The following NXPH2 variants were observed in gnomAD, a reference collection of about 807,000 sequenced individuals.
NXPH2 encodes the protein neurexophilin-2.
NXPH2 carries 5 observed loss-of-function variants against 19.8 expected under a neutral mutation model. The observed-to-expected ratio is 0.25, with a 90% CI of 0.13 to 0.53. NXPH2 has a LOEUF of 0.53. Among genes scored for constraint, NXPH2 ranks in the 20% least tolerant of loss-of-function variants. The pLI is 0.96. For synonymous variants in NXPH2, 154 were observed against 127.4 expected (o/e 1.21, Z -1.41); for missense variants, 289 against 322.8 (o/e 0.90, Z 0.80).
chr2:138,760,620 T>C (rs1264588519), intron 1 of NXPH2, among the ~76,000 whole-genome samples: 1 of 152,158 alleles, frequency 6.6e-6, no homozygotes, highest in Non-Finnish European at 1.5e-5. Flanking sequence ...TCATCTCATC[T>C]CAAAAACTGC....
chr2:138,751,509 A>G (rs1681829507), intron 1 of NXPH2, among the ~76,000 whole-genome samples: 1 of 152,136 alleles, frequency 6.6e-6, no homozygotes, highest in Non-Finnish European at 1.5e-5. Flanking sequence ...TTATTTCCAT[A>G]TTGGCTGTGA....
chr2:138,773,550 C>G (rs1256012050), intron 1 of NXPH2, among the ~76,000 whole-genome samples: 1 of 152,098 alleles, frequency 6.6e-6, no homozygotes, highest in Non-Finnish European at 1.5e-5. Flanking sequence ...ATAGAAATCA[C>G]ATGTGTTTTT....
intron 1 of NXPH2, among the ~76,000 whole-genome samples, chr2:138,736,106 T>G (rs1681534523): frequency 6.6e-6 from 1 of 152,194 alleles, no homozygotes; most frequent in Non-Finnish European, 1.5e-5. Context: ...AGGTGCACAG[T>G]GCAAGCTGCC....
chr2:138,674,217 A>G lies in NXPH2; in HGVS notation c.52-2552T>C, dbSNP rs184182034. 1.9e-4 allele frequency among the ~76,000 whole-genome samples: 29 copies of G among 151,762 alleles called. No individual in the cohort carries two copies. The East Asian group carries it at 5.4e-3, about 28-fold the overall frequency. ...CACCCAGGCTGGAGTGGAGTGGTGC[A>G]ATCTCAGCTTACTACAATCTCCACC... On this transcript the variant is annotated intron_variant, in intron 1 of 1. Transcript: ENST00000272641.
intron 1 of NXPH2, among the ~76,000 whole-genome samples, chr2:138,721,820 C>T (rs1355178213): frequency 2.0e-5 from 3 of 152,294 alleles, no homozygotes; most frequent in Non-Finnish European, 2.9e-5. Flanking sequence ...ACCTTGTTAG[C>T]AAGTGGGATA....
intron 1 of NXPH2, among the ~76,000 whole-genome samples, chr2:138,674,283 A>G (rs1680454231): frequency 1.3e-5 from 2 of 151,940 alleles, no homozygotes; most frequent in Admixed American, 1.3e-4. Flanking sequence ...CCTCCCGAGT[A>G]GCTGTGATTA....
At chr2:138,746,509 C>A (rs1213878653) in intron 1 of NXPH2, among the ~76,000 whole-genome samples, 2 of 152,204 alleles carry the variant, frequency 1.3e-5, no homozygotes, top group East Asian at 3.9e-4. Flanking sequence ...CTGTGACAGA[C>A]CTCAGGGCAA....
intron 1 of NXPH2, among the ~76,000 whole-genome samples, chr2:138,675,991 C>A (rs1200957705): frequency 6.7e-6 from 1 of 150,062 alleles, no homozygotes; most frequent in Non-Finnish European, 1.5e-5. Flanking sequence ...GTGTATAAAT[C>A]TATATAAAAG....
At chr2:138,759,571 T>C (rs1211067552) in intron 1 of NXPH2, among the ~76,000 whole-genome samples, 2 of 152,048 alleles carry the variant, frequency 1.3e-5, no homozygotes, top group African/African-American at 4.8e-5. Flanking sequence ...TTCTAATTTT[T>C]TTTTTTTAAA....
chr2:138,742,036 C>T (rs1322093670), intron 1 of NXPH2, among the ~76,000 whole-genome samples: 1 of 152,134 alleles, frequency 6.6e-6, no homozygotes, highest in Non-Finnish European at 1.5e-5. Context: ...ATGATTCTAG[C>T]CAACTGTCAG....
At chr2:138,758,743 G>T (rs1213214761) in intron 1 of NXPH2, among the ~76,000 whole-genome samples, 1 of 152,182 alleles carries the variant, frequency 6.6e-6, no homozygotes, top group South Asian at 2.1e-4. Flanking sequence ...GACCATGTCT[G>T]GAGAAATCTG....
At chr2:138,768,816 C>T (rs1343036986) in intron 1 of NXPH2, among the ~76,000 whole-genome samples, 5 of 152,154 alleles carry the variant, frequency 3.3e-5, no homozygotes, top group Non-Finnish European at 7.4e-5. Flanking sequence ...AAGTAATTAG[C>T]AAAGCCCTCT....
At chr2:138,695,932 T>A (rs1388799687) in intron 1 of NXPH2, among the ~76,000 whole-genome samples, 2 of 152,106 alleles carry the variant, frequency 1.3e-5, no homozygotes, top group African/African-American at 4.8e-5. Flanking sequence ...GAGGATCCCT[T>A]GAGGACTGGA....
At chr2:138,743,385 T>G (rs1681675085) in intron 1 of NXPH2, among the ~76,000 whole-genome samples, 1 of 152,220 alleles carries the variant, frequency 6.6e-6, no homozygotes, top group East Asian at 1.9e-4. Context: ...ACAATATGAA[T>G]GAAACTTGGA....
At chr2:138,754,321 C>T (rs985393264) in intron 1 of NXPH2, among the ~76,000 whole-genome samples, 5 of 152,258 alleles carry the variant, frequency 3.3e-5, no homozygotes, top group East Asian at 1.9e-4. Context: ...TAAAATACAG[C>T]CTGTCCTTCA....
chr2:138,671,552 G>A lies in NXPH2; in HGVS notation c.165C>T (p.Pro55=). 1 of 1,613,976 alleles carries A rather than the reference G, an allele frequency of 6.2e-7. No homozygotes were observed. Residue 55 remains proline, a synonymous_variant, in exon 2 of 2, where the codon CCC becomes CCT. Transcript: ENST00000272641. ...GAGACTGTTTAACAAACAGGCGCAG[G>A]GGACTGATGATCCTTGAGTGCACCA... ...GNVVHSRIIS[P]LRLFVKQSPV...
At chr2:138,693,348 G>A (rs1341348004) in intron 1 of NXPH2, among the ~76,000 whole-genome samples, 1 of 152,176 alleles carries the variant, frequency 6.6e-6, no homozygotes, top group East Asian at 1.9e-4. Flanking sequence ...TAAGACTTAT[G>A]TTTAGGAGTA....
chr2:138,741,674 G>A (rs374990564), intron 1 of NXPH2, among the ~76,000 whole-genome samples: 7 of 152,188 alleles, frequency 4.6e-5, no homozygotes, highest in African/African-American at 1.4e-4. Context: ...AGCACAAGTG[G>A]CAGAAATTGA....
intron 1 of NXPH2, among the ~76,000 whole-genome samples, chr2:138,726,845 A>T (rs2104997106): frequency 6.6e-6 from 1 of 152,318 alleles, no homozygotes; most frequent in Middle Eastern, 3.4e-3. Context: ...GGTATTGTAC[A>T]TTCTATGGGT....
Sources: allele counts gnomAD v4.1 joint callset (sites outside exome capture counted in the v4.1 genomes callset), GRCh38; gene constraint gnomAD v4.1.1; transcripts MANE v1.5; gene names NCBI Gene and HGNC (gene_info 2026-07-23, HGNC 2026-07-21).